Variants in KIFC3 observed in about 807,000 individuals in gnomAD.
The protein encoded by KIFC3 is kinesin family member C3.
A neutral mutation model predicts 101.8 loss-of-function variants in KIFC3; 60 were observed. The ratio of observed to expected loss-of-function variants is 0.59; its 90% CI spans 0.48 to 0.73. The LOEUF (loss-of-function observed/expected upper bound fraction) is 0.73, where lower values mean the gene tolerates loss of function less well. KIFC3 is among the 30% of genes least tolerant of loss of function. The pLI, the probability that KIFC3 is intolerant of heterozygous loss-of-function variation, is 0.00. For missense variants in KIFC3, 966 were observed against 1,137.1 expected, an observed-to-expected ratio of 0.85 and a Z score of 2.16; for synonymous variants, 476 against 482.7, an observed-to-expected ratio of 0.99 and a Z score of 0.18.
At chr16:57,782,118 G>A in intron 3 of KIFC3, 2 of 985,522 alleles carry the variant, frequency 2.0e-6, no homozygotes, top group African/African-American at 3.5e-5. Context: ...GCCAGCAGGA[G>A]ACCAGGGCAC....
chr16:57,793,492 C>T (rs917144466), intron 3 of KIFC3, among the ~76,000 whole-genome samples: 3 of 151,666 alleles, frequency 2.0e-5, no homozygotes, highest in Admixed American at 1.3e-4. Flanking sequence ...ACTTGGGAGG[C>T]TGAGACAGGA....
intron 1 of KIFC3, chr16:57,816,099 A>T (rs782660372): frequency 5.7e-6 from 5 of 871,112 alleles, no homozygotes; most frequent in Non-Finnish European, 7.7e-6. Flanking sequence ...GATGTGGTCA[A>T]ATCCTCTTAC....
chr16:57,788,838 CTTTGT>C, intron 3 of KIFC3: 1 of 876,594 alleles, frequency 1.1e-6, no homozygotes, highest in Non-Finnish European at 1.5e-6. Flanking sequence ...CAGTCCCTCC[CTTTGT>C]GGGTGGGTGG....
At chr16:57,836,648 T>C (rs1178790402) in intron 1 of KIFC3, among the ~76,000 whole-genome samples, 3 of 152,224 alleles carry the variant, frequency 2.0e-5, no homozygotes, top group African/African-American at 7.2e-5. Flanking sequence ...ACCATTCTCC[T>C]GGCTTTCTCA....
intron 10 of KIFC3, 98 bp downstream of exon 10, chr16:57,766,776 G>T (rs1025590356): frequency 5.3e-6 from 4 of 755,204 alleles, no homozygotes; most frequent in Admixed American, 4.4e-5. Flanking sequence ...GATAGGATTA[G>T]AATAGTGCCT....
chr16:57,790,962 A>G lies in KIFC3; in HGVS notation c.315+4037T>C, dbSNP rs1346953298. ...ATTTAGGAATATTCCTGCTGGGCGC[A>G]GTGGCTCACACCTGTAATCCCAGCA... On this transcript the variant is annotated intron_variant, in intron 3 of 19. Coordinates refer to ENST00000445690, the MANE Select transcript of KIFC3 (RefSeq NM_001130100.2). The G allele has an allele frequency of 1.3e-5, 13 of 983,920 alleles. No individual in the cohort carries two copies. In the African/African-American group the frequency reaches 1.9e-4, roughly 15 times the overall value. The allele number at this position is 983,920 out of a possible 1,614,324, so 60.9% of individuals were successfully genotyped here. A position where few individuals can be genotyped will look rare whatever the true frequency, so the allele number is the denominator to read the frequency against.
chr16:57,800,914 T>A lies in KIFC3; in HGVS notation c.-40+1456A>T, dbSNP rs182840177. On this transcript the variant is annotated intron_variant, in intron 1 of 19. Transcript: ENST00000445690. ...TCGTGGGGGAGGGCAGTGGGACTGG[T>A]TCAGAACCTGGCTCCCCTGTTTACT... Among the ~76,000 whole-genome samples the A allele has an allele frequency of 1.2e-3, 183 of 152,094 alleles. 1 individual carries two copies. The highest frequency in any genetic ancestry group is 4.4e-3 in the African/African-American group (182 of 41,474).
At chr16:57,763,111 A>G (rs2967170) in intron 12 of KIFC3, among the ~76,000 whole-genome samples, 139,845 of 152,238 alleles carry the variant, frequency 0.92, 64,841 homozygotes, top group Middle Eastern at 0.97. Flanking sequence ...TGATTTGTGT[A>G]GACCCTGCTG....
intron 3 of KIFC3, among the ~76,000 whole-genome samples, chr16:57,774,524 T>A (rs2051761689): frequency 6.9e-6 from 1 of 145,570 alleles, no homozygotes. Context: ...TTTTCAGTAA[T>A]TTTTTTTTTT....
chr16:57,857,950 C>G (rs541255746), intron 1 of KIFC3, among the ~76,000 whole-genome samples: 2 of 151,150 alleles, frequency 1.3e-5, no homozygotes, highest in African/African-American at 4.9e-5. Context: ...CCTCAGCCTC[C>G]CGAGTAGCTG....
At chr16:57,759,998 A>T in intron 17 of KIFC3, 162 bp from the exon 18 acceptor site, 1 of 623,422 alleles carries the variant, frequency 1.6e-6, no homozygotes, top group Non-Finnish European at 2.8e-6. Flanking sequence ...GGCAAGAATT[A>T]AATGAGATAA....
chr16:57,825,960 C>T (rs747321220), intron 1 of KIFC3, among the ~76,000 whole-genome samples: 6 of 152,258 alleles, frequency 3.9e-5, no homozygotes, highest in Admixed American at 6.5e-5. Context: ...GCTGGGATTA[C>T]AGGCATGAGC....
In KIFC3 at chr16:57,764,190, T is replaced by C; in HGVS notation, c.1570A>G (p.Ile524Val). The part of the protein sequence containing the change: ...TSCIDGFNVC[I>V]FAYGQTGAGK... ...GCGCCCGTCTGGCCGTACGCAAAGA[T>C]GCAGACATTGAAGCCATCAATGCAA... Residue 524 changes from isoleucine (I) to valine (V), a missense_variant, in exon 12 of 20, where the codon ATC (isoleucine) becomes GTC (valine). Ile to Val is a conservative substitution (Grantham distance 29, BLOSUM62 3). Around this residue, in one of 2 missense-constraint regions of KIFC3, gnomAD observed 689 missense variants for 884.6 expected, o/e 0.78. Coordinates refer to ENST00000445690, the MANE Select transcript of KIFC3 (RefSeq NM_001130100.2). The C allele has an allele frequency of 5.6e-6, 9 of 1,604,446 alleles. No individual in the cohort carries two copies. The highest frequency in any genetic ancestry group is 7.7e-6 in the Non-Finnish European group (9 of 1,174,874).
chr16:57,833,839 G>A (rs1555479816), intron 1 of KIFC3, among the ~76,000 whole-genome samples: 1 of 148,810 alleles, frequency 6.7e-6, no homozygotes, highest in Admixed American at 6.7e-5. Context: ...TACACTTAAT[G>A]ATATTCAATA....
intron 7 of KIFC3, among the ~76,000 whole-genome samples, chr16:57,770,172 A>G (rs574175559): frequency 4.6e-5 from 7 of 152,380 alleles, no homozygotes; most frequent in African/African-American, 1.7e-4. Flanking sequence ...CTGAGCACAC[A>G]TCAGGTGCCC....
chr16:57,823,514 G>C (rs2055394802), intron 1 of KIFC3, among the ~76,000 whole-genome samples: 1 of 152,204 alleles, frequency 6.6e-6, no homozygotes, highest in Admixed American at 6.5e-5. Flanking sequence ...TGGGTTCACA[G>C]TTATAAAAGA....
chr16:57,855,870 T>C (rs897683337), intron 1 of KIFC3, among the ~76,000 whole-genome samples: 14 of 149,884 alleles, frequency 9.3e-5, no homozygotes, highest in Non-Finnish European at 1.5e-4. Context: ...CGCTTGAACC[T>C]GGGAGGCAGA....
chr16:57,801,031 C>G (rs1039446230), intron 1 of KIFC3, among the ~76,000 whole-genome samples: 7 of 152,178 alleles, frequency 4.6e-5, no homozygotes, highest in Admixed American at 3.3e-4. Context: ...TAGGGTTGCT[C>G]TAAAGATTAG....
At chr16:57,825,953 G>A (rs1555630725) in intron 1 of KIFC3, among the ~76,000 whole-genome samples, 2 of 152,216 alleles carry the variant, frequency 1.3e-5, no homozygotes, top group African/African-American at 4.8e-5. Flanking sequence ...CCAAAGTGCT[G>A]GGATTACAGG....
Sources: gnomAD v4.1 joint callset for allele counts (sites outside exome capture counted in the v4.1 genomes callset) on GRCh38, gnomAD v4.1.1 for gene constraint, gnomAD v4.1.1 regional missense constraint, MANE v1.5 for transcripts, NCBI Gene and HGNC (gene_info 2026-07-23, HGNC 2026-07-21) for gene names.